Variants in TP63 observed in about 807,000 individuals in gnomAD.
TP63 encodes tumor protein p63.
A neutral mutation model predicts 82.8 loss-of-function variants in TP63; 17 were observed. That is an observed-to-expected ratio of 0.21 (90% confidence interval 0.14 to 0.31). The LOEUF (loss-of-function observed/expected upper bound fraction) is 0.31, where lower values mean the gene tolerates loss of function less well. Among genes scored for constraint, TP63 ranks in the 10% least tolerant of loss-of-function variants. The probability of loss-of-function intolerance (pLI) is 1.00; values close to 1 mark genes in which losing one functional copy is unlikely to be tolerated. For missense variants in TP63, 648 were observed against 895.3 expected (o/e 0.72, Z 3.52); for synonymous variants, 330 against 321.7 (o/e 1.03, Z -0.28).
chr3:189,603,819 C>T, the TP63 span, among the ~76,000 whole-genome samples: 9 of 151,626 alleles, frequency 5.9e-5, no homozygotes, highest in East Asian at 1.5e-3. Flanking sequence ...AGCTTTTAGC[C>T]CTCATTGGAA....
intron 4 of TP63, among the ~76,000 whole-genome samples, chr3:189,835,765 T>G (rs2108724325): frequency 6.6e-6 from 1 of 151,762 alleles, no homozygotes; most frequent in South Asian, 2.1e-4. Context: ...ATACAAAAAA[T>G]TAACTGGCCA....
chr3:189,843,250 C>G (rs1020712720), intron 4 of TP63, among the ~76,000 whole-genome samples: 5 of 152,120 alleles, frequency 3.3e-5, no homozygotes, highest in African/African-American at 1.2e-4. Flanking sequence ...GTGGCACGGT[C>G]TAAGTGTCGC....
chr3:189,638,393 G>T (rs1711526997), intron 1 of TP63, among the ~76,000 whole-genome samples: 2 of 152,048 alleles, frequency 1.3e-5, no homozygotes, highest in African/African-American at 2.4e-5. Context: ...ATAATACAAG[G>T]TACAAGGTGG....
At chr3:189,691,355 A>AAAAAAAAAAAAG (rs1553813522) in intron 1 of TP63, among the ~76,000 whole-genome samples, 25 of 143,894 alleles carry the variant, frequency 1.7e-4, no homozygotes, top group Non-Finnish European at 2.7e-4. Flanking sequence ...AAAAAAAAAA[A>AAAAAAAAAAAAG]AAAAAGAAAA....
chr3:189,693,652 A>G (rs1425561362), intron 1 of TP63, among the ~76,000 whole-genome samples: 1 of 152,232 alleles, frequency 6.6e-6, no homozygotes, highest in African/African-American at 2.4e-5. Context: ...GGTAGATATT[A>G]GGCCTTATGT....
chr3:189,662,524 T>C (rs1714017301), intron 1 of TP63, among the ~76,000 whole-genome samples: 1 of 152,070 alleles, frequency 6.6e-6, no homozygotes, highest in African/African-American at 2.4e-5. Context: ...AGAATAAAAG[T>C]TTATTTTTAA....
At chr3:189,650,231 C>T (rs1016495132) in intron 1 of TP63, among the ~76,000 whole-genome samples, 1 of 147,052 alleles carries the variant, frequency 6.8e-6, no homozygotes, top group Non-Finnish European at 1.5e-5. Context: ...ACTTGGAAGC[C>T]TGATATGTCC....
chr3:189,875,057 A>G (rs1208907733), intron 10 of TP63, among the ~76,000 whole-genome samples: 1 of 149,492 alleles, frequency 6.7e-6, no homozygotes, highest in Non-Finnish European at 1.5e-5. Flanking sequence ...TGCTTTTTGT[A>G]AAGTCCTGGT....
At position 189,639,415 on chromosome 3, in the gene TP63, A is replaced by G. The variant is rs543460341; in HGVS notation, c.62+7838A>G. Among the ~76,000 whole-genome samples, 53 of 149,598 alleles carry G rather than the reference A, an allele frequency of 3.5e-4. No individual in the cohort carries two copies. In the East Asian group the frequency reaches 6.8e-3, roughly 19 times the overall value. The stretch of plus-strand genomic sequence containing the variant: ...GATTGTGGGAATTAATTCTTGCTCC[A>G]TCCTTATTTTTATTGTTCGCCTTCC... On this transcript the variant is annotated intron_variant, in intron 1 of 13. Coordinates refer to ENST00000264731, the MANE Select transcript of TP63 (RefSeq NM_003722.5).
chr3:189,793,493 G>T (rs575890362), intron 3 of TP63, among the ~76,000 whole-genome samples: 9 of 152,124 alleles, frequency 5.9e-5, no homozygotes, highest in African/African-American at 2.2e-4. Context: ...TGCTATAAAG[G>T]GAGTATATAT....
At chr3:189,681,261 A>G (rs1244441955) in intron 1 of TP63, among the ~76,000 whole-genome samples, 1 of 151,310 alleles carries the variant, frequency 6.6e-6, no homozygotes, top group African/African-American at 2.4e-5. Flanking sequence ...AGCTCCTGGT[A>G]ATATATTTTC....
chr3:189,844,114 C>G (rs1006214671), intron 4 of TP63: 5 of 304,432 alleles, frequency 1.6e-5, no homozygotes, highest in South Asian at 1.3e-4. Context: ...AACACATTGA[C>G]CTGATGTTTA....
rs1715513918 is a variant in TP63 at position 189,850,710 on chromosome 3, T to G, written c.580-13522T>G. The stretch of plus-strand genomic sequence containing the variant: ...ACCTGCACGTTGTGCACATGTACCC[T>G]AAAACTTAAAGTATAATAATAATAA... On this transcript the variant is annotated intron_variant, in intron 4 of 13. Transcript: ENST00000264731. Among the ~76,000 whole-genome samples, 6 of 152,086 alleles carry G rather than the reference T, an allele frequency of 3.9e-5. No individual in the cohort carries two copies. The South Asian group carries it at 1.2e-3, about 32-fold the overall frequency.
At chr3:189,661,804 T>C (rs1395948411) in intron 1 of TP63, among the ~76,000 whole-genome samples, 1 of 152,112 alleles carries the variant, frequency 6.6e-6, no homozygotes, top group African/African-American at 2.4e-5. Flanking sequence ...CCTGAGAGGT[T>C]GTGTTTCTAG....
At chr3:189,854,913 C>T (rs1034239270) in intron 4 of TP63, among the ~76,000 whole-genome samples, 3 of 152,068 alleles carry the variant, frequency 2.0e-5, no homozygotes, top group Admixed American at 6.5e-5. Context: ...CCTAAAATTG[C>T]AGGCTGAGAT....
chr3:189,831,625 G>C (rs541837345), intron 4 of TP63, among the ~76,000 whole-genome samples: 2 of 150,850 alleles, frequency 1.3e-5, no homozygotes, highest in Admixed American at 6.7e-5. Context: ...CTCATTTGAT[G>C]ATAGCAGCAT....
intron 4 of TP63, among the ~76,000 whole-genome samples, chr3:189,815,185 AT>A (rs72287902): frequency 6.7e-6 from 1 of 149,486 alleles, no homozygotes. Flanking sequence ...ATCTTTCTTT[AT>A]TTTTTTTTAC....
At chr3:189,699,799 A>G (rs941154796) in intron 1 of TP63, among the ~76,000 whole-genome samples, 15 of 152,166 alleles carry the variant, frequency 9.9e-5, no homozygotes, top group Non-Finnish European at 1.9e-4. Flanking sequence ...GCTTGTTCTC[A>G]AAGAAAAAAA....
chr3:189,806,476 A>G (rs532036525), intron 3 of TP63, among the ~76,000 whole-genome samples: 107 of 152,360 alleles, frequency 7.0e-4, no homozygotes, highest in African/African-American at 2.5e-3. Flanking sequence ...TATCTTTTCA[A>G]TCCCCTTCCG....
Sources: allele counts gnomAD v4.1 joint callset (sites outside exome capture counted in the v4.1 genomes callset), GRCh38; gene constraint gnomAD v4.1.1; transcripts MANE v1.5; gene names NCBI Gene and HGNC (gene_info 2026-07-23, HGNC 2026-07-21).